The following IFT88 variants were observed in gnomAD, a reference collection of about 807,000 sequenced individuals.
The protein encoded by IFT88 is intraflagellar transport protein 88 homolog.
Under a neutral mutation model 119.5 loss-of-function variants are expected in IFT88, and 74 were observed. The observed-to-expected ratio is 0.62, with a 90% confidence interval of 0.51 to 0.75. The LOEUF (loss-of-function observed/expected upper bound fraction) is 0.75, where lower values mean the gene tolerates loss of function less well. Among genes scored for constraint, IFT88 ranks in the 30% least tolerant of loss-of-function variants. The pLI is 0.00. For synonymous variants in IFT88, 279 were observed against 316.7 expected, an observed-to-expected ratio of 0.88 and a Z score of 1.26; for missense variants, 961 against 977.7, an observed-to-expected ratio of 0.98 and a Z score of 0.23.
chr13:20,649,638 A>G (rs1594627788), intron 20 of IFT88, among the ~76,000 whole-genome samples: 1 of 152,148 alleles, frequency 6.6e-6, no homozygotes, highest in East Asian at 1.9e-4. Flanking sequence ...GAAGGAAATA[A>G]TAAAGGTTAG....
At chr13:20,594,800 T>C (rs945923127) in intron 7 of IFT88, among the ~76,000 whole-genome samples, 29 of 152,324 alleles carry the variant, frequency 1.9e-4, no homozygotes, top group Middle Eastern at 3.4e-3. Context: ...TAATAAACTT[T>C]GTAGTCTTAG....
chr13:20,623,532 T>C (rs949258140), intron 14 of IFT88, among the ~76,000 whole-genome samples: 1 of 152,224 alleles, frequency 6.6e-6, no homozygotes. Flanking sequence ...TGGAGTGAAG[T>C]GTCGTGATCT....
intron 22 of IFT88, among the ~76,000 whole-genome samples, chr13:20,659,031 C>T (rs2053356113): frequency 6.6e-6 from 1 of 152,172 alleles, no homozygotes; most frequent in Non-Finnish European, 1.5e-5. Context: ...AAAACATTTA[C>T]ACCCATGGAA....
intron 17 of IFT88, among the ~76,000 whole-genome samples, chr13:20,639,517 A>G (rs2049527757): frequency 6.6e-6 from 1 of 152,158 alleles, no homozygotes; most frequent in African/African-American, 2.4e-5. Flanking sequence ...GGAATTAGCC[A>G]TTTTAGGTGG....
chr13:20,655,010 T>TTATA (rs1469443138), intron 21 of IFT88, among the ~76,000 whole-genome samples: 1 of 152,206 alleles, frequency 6.6e-6, no homozygotes, highest in Admixed American at 6.5e-5. Context: ...CCAGAGAGAT[T>TTATA]TATAACTCAT....
chr13:20,667,472 A>G (rs1326423802), intron 23 of IFT88, among the ~76,000 whole-genome samples: 2 of 152,242 alleles, frequency 1.3e-5, no homozygotes, highest in Non-Finnish European at 2.9e-5. Flanking sequence ...GAGGAGCAGC[A>G]GTGCCCACAG....
At chr13:20,593,335 A>G (rs1157877483) in intron 7 of IFT88, among the ~76,000 whole-genome samples, 2 of 152,120 alleles carry the variant, frequency 1.3e-5, no homozygotes, top group Non-Finnish European at 2.9e-5. Flanking sequence ...CAGAGCTATT[A>G]TTCTCACTAG....
chr13:20,599,409 A>C, intron 10 of IFT88, 42 bp from the exon 11 acceptor site: 1 of 682,864 alleles, frequency 1.5e-6, no homozygotes. Context: ...AAAGAGTGGA[A>C]AAATGAGAGT....
At chr13:20,639,406 A>C (rs1458002489) in intron 17 of IFT88, among the ~76,000 whole-genome samples, 1 of 152,150 alleles carries the variant, frequency 6.6e-6, no homozygotes, top group Non-Finnish European at 1.5e-5. Flanking sequence ...ACCTGTCCAT[A>C]AGTCAATTGG....
At chr13:20,602,910 T>C (rs1177935381) in intron 12 of IFT88, among the ~76,000 whole-genome samples, 3 of 152,008 alleles carry the variant, frequency 2.0e-5, no homozygotes, top group African/African-American at 7.2e-5. Context: ...ATAAATTCCT[T>C]ATCCTTACTC....
chr13:20,571,724 A>T (rs1191047485), intron 1 of IFT88, among the ~76,000 whole-genome samples: 1 of 152,216 alleles, frequency 6.6e-6, no homozygotes, highest in African/African-American at 2.4e-5. Flanking sequence ...TCTTTGAGAA[A>T]GTTCACTGGA....
At chr13:20,663,056 G>A (rs1210832098) in intron 22 of IFT88, among the ~76,000 whole-genome samples, 1 of 152,206 alleles carries the variant, frequency 6.6e-6, no homozygotes, top group South Asian at 2.1e-4. Flanking sequence ...TTTGCACAGT[G>A]TGAATAATAC....
At chr13:20,615,163 A>G (rs989240900) in intron 13 of IFT88, among the ~76,000 whole-genome samples, 1 of 152,228 alleles carries the variant, frequency 6.6e-6, no homozygotes, top group Non-Finnish European at 1.5e-5. Context: ...AGAACAAGTT[A>G]TAGAATAGTA....
chr13:20,574,354 A>T (rs1176067778), intron 1 of IFT88, 26 bp from the exon 2 acceptor site: 1 of 1,369,598 alleles, frequency 7.3e-7, no homozygotes, highest in Admixed American at 1.8e-5. Context: ...TACCAAGAAC[A>T]TATTTACACT....
In IFT88 at chr13:20,638,467, A is replaced by G. The variant is rs147424880; in HGVS notation, c.1522A>G (p.Lys508Glu). 1,596 of 1,528,236 alleles carry G rather than the reference A, an allele frequency of 1.0e-3. 5 individuals carry two copies. The highest frequency in any genetic ancestry group is 1.2e-3 in the Non-Finnish European group (1,396 of 1,145,856). The allele number at this position is 1,528,236 out of a possible 1,614,324, so 94.7% of individuals were successfully genotyped here. Reference protein sequence around the residue: ...GDYEKAAEFYKEALRNDSSCT... With the variant: ...GDYEKAAEFYEEALRNDSSCT... The stretch of plus-strand genomic sequence containing the variant: ...TTATGAGAAGGCCGCTGAATTCTAT[A>G]AAGAGGCTCTAAGAAATGATTCTTC... Residue 508 changes from lysine to glutamate, a missense_variant, in exon 17 of 26, where the codon AAA becomes GAA. Coordinates refer to ENST00000351808, the MANE Select transcript of IFT88 (RefSeq NM_006531.5).
intron 13 of IFT88, among the ~76,000 whole-genome samples, chr13:20,614,915 A>G (rs1215180869): frequency 1.4e-5 from 2 of 143,968 alleles, no homozygotes; most frequent in Non-Finnish European, 3.0e-5. Context: ...TCCCAGGTTC[A>G]TGCCATTCTC....
chr13:20,656,335 C>T (rs753877655), intron 21 of IFT88, 30 bp from the exon 22 acceptor site: 8 of 972,648 alleles, frequency 8.2e-6, no homozygotes, highest in African/African-American at 1.7e-5. Flanking sequence ...CTATAATTTG[C>T]TAATATATTT....
chr13:20,619,532 C>T lies in IFT88; in HGVS notation c.1199+3653C>T, dbSNP rs552077726. Among the ~76,000 whole-genome samples, 7 of 152,216 alleles carry T rather than the reference C, an allele frequency of 4.6e-5. No homozygotes were observed. The South Asian group carries it at 1.5e-3, about 32-fold the overall frequency. On this transcript the variant is annotated intron_variant, in intron 14 of 25. Coordinates refer to ENST00000351808, the MANE Select transcript of IFT88 (RefSeq NM_006531.5). ...TTTACTCTGTGTTTGTTAGTGTTGT[C>T]CATGTCCTCGCATGTAGCTGTGGTT...
rs146916342 is a variant in IFT88 at position 20,601,355 on chromosome 13, G to A, written c.813-350G>A. On this transcript the variant is annotated intron_variant, in intron 11 of 25. Transcript: ENST00000351808. ...CATTCCAGCCTGAGCAACAGAGAGAGACCCTGTCTGAAAAAAAAAAAAAAA... is the reference window on the plus strand; with the variant it reads ...CATTCCAGCCTGAGCAACAGAGAGAAACCCTGTCTGAAAAAAAAAAAAAAA... 2.0e-3 allele frequency among the ~76,000 whole-genome samples: 168 copies of A among 83,828 alleles called. 2 individuals are homozygous for A. The highest frequency in any genetic ancestry group is 7.0e-3 in the African/African-American group (162 of 23,302). The allele number at this position is 83,828 out of a possible 152,430, so 55.0% of individuals were successfully genotyped here.
Sources: gnomAD v4.1 joint callset for allele counts (sites outside exome capture counted in the v4.1 genomes callset) on GRCh38, gnomAD v4.1.1 for gene constraint, MANE v1.5 for transcripts, NCBI Gene and HGNC (gene_info 2026-07-23, HGNC 2026-07-21) for gene names.